LARS1: variants seen among roughly 807,000 people sequenced by gnomAD.
The protein encoded by LARS1 is leucyl-tRNA synthetase 1.
In LARS1, 100 loss-of-function variants were observed where a neutral mutation model predicts 162.8. That is an observed-to-expected ratio of 0.61 (90% confidence interval 0.52 to 0.73). The LOEUF (loss-of-function observed/expected upper bound fraction) is 0.73. Among genes scored for constraint, LARS1 ranks in the 30% least tolerant of loss-of-function variants. The probability of loss-of-function intolerance (pLI) is 0.00; values close to 1 mark genes in which losing one functional copy is unlikely to be tolerated. For synonymous variants in LARS1, 457 were observed against 462.8 expected (o/e 0.99, Z 0.16); for missense variants, 1,258 against 1,408.9 (o/e 0.89, Z 1.71).
chr5:146,173,539 C>CTT (rs542049744), intron 2 of LARS1, among the ~76,000 whole-genome samples: 6 of 135,218 alleles, frequency 4.4e-5, no homozygotes, highest in Admixed American at 7.5e-5. Flanking sequence ...TCCTTTAAAG[C>CTT]TTTTTTTTTT....
chr5:146,113,588 C>T lies in LARS1; in HGVS notation c.*518G>A, dbSNP rs1043504248. 5.6e-4 allele frequency: 85 copies of T among 152,434 alleles called. No individual in the cohort carries two copies. The highest frequency in any genetic ancestry group is 2.0e-3 in the African/African-American group (83 of 41,294). 9.4% of individuals were successfully genotyped at this position (152,434 alleles called of 1,614,324 possible). Reference sequence around the variant, plus strand: ...ATGCAGGACCTATTTGTTCTTTATACAAAATACTTAGTAATTGAAGTCAAG... The same window carrying T: ...ATGCAGGACCTATTTGTTCTTTATATAAAATACTTAGTAATTGAAGTCAAG... On this transcript the variant is annotated 3_prime_UTR_variant, in exon 32 of 32. Transcript: ENST00000394434.
intron 6 of LARS1, among the ~76,000 whole-genome samples, chr5:146,161,084 C>A (rs1753757491): frequency 6.6e-6 from 1 of 152,098 alleles, no homozygotes; most frequent in African/African-American, 2.4e-5. Flanking sequence ...TTTCCCAAGG[C>A]ATATATAAGT....
intron 28 of LARS1, 135 bp from the exon 29 acceptor site, chr5:146,124,221 C>G: frequency 1.7e-6 from 1 of 574,914 alleles, no homozygotes; most frequent in South Asian, 2.5e-5. Flanking sequence ...AGGCCTTGGA[C>G]TCATGATTTC....
chr5:146,165,836 A>G (rs1260207720), intron 5 of LARS1, among the ~76,000 whole-genome samples: 1 of 152,210 alleles, frequency 6.6e-6, no homozygotes, highest in Non-Finnish European at 1.5e-5. Context: ...CTAGGATGGA[A>G]CAAATAAAGA....
At chr5:146,159,238 C>G (rs1753667439) in intron 8 of LARS1, among the ~76,000 whole-genome samples, 169 bp downstream of exon 8, 1 of 152,186 alleles carries the variant, frequency 6.6e-6, no homozygotes. Context: ...AGGTACTACA[C>G]AAGATACAGG....
At chr5:146,115,063 A>C (rs1025198703) in intron 31 of LARS1, among the ~76,000 whole-genome samples, 2 of 150,716 alleles carry the variant, frequency 1.3e-5, no homozygotes, top group African/African-American at 2.5e-5. Flanking sequence ...AAAAAAAAAA[A>C]AAAACAATCC....
chr5:146,159,095 GAA>G (rs544238073), intron 8 of LARS1, among the ~76,000 whole-genome samples: 2 of 135,328 alleles, frequency 1.5e-5, no homozygotes, highest in Non-Finnish European at 1.6e-5. Flanking sequence ...GACTCCGTCT[GAA>G]AAAAAAAAAA....
In LARS1 at chr5:146,164,483, G is replaced by A. The variant is rs76839811; in HGVS notation, c.433-12C>T. The stretch of plus-strand genomic sequence containing the variant: ...GCAGCAGCTTTACTCTGAAAATAAT[G>A]GAGAAAAATAAACTCGATCAAAGAA... On this transcript the variant is annotated splice_polypyrimidine_tract_variant and intron_variant, in intron 5 of 31. Coordinates refer to ENST00000394434, the MANE Select transcript of LARS1 (RefSeq NM_020117.11). 1.8e-3 allele frequency: 2,848 copies of A among 1,611,318 alleles called. 6 individuals are homozygous for A. Among genetic ancestry groups the A allele is most frequent in the Admixed American group, 3.3e-3 (197 of 59,180 alleles).
At chr5:146,175,481 G>A (rs968558521) in intron 2 of LARS1, among the ~76,000 whole-genome samples, 4 of 148,674 alleles carry the variant, frequency 2.7e-5, no homozygotes, top group Admixed American at 6.9e-5. Context: ...GGCAGAGGTT[G>A]CAGTGAGCCG....
At chr5:146,139,599 G>A (rs1212341277) in intron 21 of LARS1, 1 of 152,132 alleles carries the variant, frequency 6.6e-6, no homozygotes, top group African/African-American at 2.4e-5. Context: ...TTATAGGCCA[G>A]GCGCGGTGGC....
At chr5:146,167,795 C>T (rs1252733542) in intron 5 of LARS1, among the ~76,000 whole-genome samples, 3 of 152,044 alleles carry the variant, frequency 2.0e-5, no homozygotes, top group Admixed American at 6.5e-5. Context: ...TCCCCAAGTG[C>T]TGGGATTACA....
chr5:146,165,125 G>A (rs1753944902), intron 5 of LARS1, among the ~76,000 whole-genome samples: 1 of 152,106 alleles, frequency 6.6e-6, no homozygotes, highest in South Asian at 2.1e-4. Flanking sequence ...CACGAGGTCA[G>A]GACTTCGAGA....
At chr5:146,134,150 T>C (rs1309883620) in intron 22 of LARS1, among the ~76,000 whole-genome samples, 1 of 152,166 alleles carries the variant, frequency 6.6e-6, no homozygotes, top group Non-Finnish European at 1.5e-5. Context: ...AGCTGTTTAG[T>C]TTTATATCTA....
At chr5:146,177,398 G>C in intron 2 of LARS1, 149 bp downstream of exon 2, 1 of 150,478 alleles carries the variant, frequency 6.6e-6, no homozygotes. Context: ...CCTGGGAGGC[G>C]GAGCTTGCAG....
At position 146,128,776 on chromosome 5, in the gene LARS1, C is replaced by T. The variant is rs746693564; in HGVS notation, c.2776G>A (p.Asp926Asn). The change falls in exon 27 of 32, where the codon GAC becomes AAC. Residue 926 changes from aspartate (D) to asparagine (N), a missense_variant. Coordinates refer to ENST00000394434, the MANE Select transcript of LARS1 (RefSeq NM_020117.11). The stretch of plus-strand genomic sequence containing the variant: ...GAGGGCTTCTGCAGGGGTTGTTTGT[C>T]AGTCTTCTAGACGGTAAAAGAAAGG... ...YMMPAKGKKT[D>N]KQPLQKPSHC... is the part of the protein sequence containing the mutation. 2.1e-5 allele frequency: 33 copies of T among 1,600,978 alleles called. No individual in the cohort carries two copies. The East Asian group carries it at 2.2e-4, about 11-fold the overall frequency.
chr5:146,122,093 C>CAGTTTA (rs1417716487), intron 30 of LARS1, among the ~76,000 whole-genome samples: 1 of 152,050 alleles, frequency 6.6e-6, no homozygotes, highest in African/African-American at 2.4e-5. Flanking sequence ...TGCATCAATC[C>CAGTTTA]AGTTTATACA....
chr5:146,128,061 T>C (rs1752115812), intron 27 of LARS1, among the ~76,000 whole-genome samples: 1 of 152,148 alleles, frequency 6.6e-6, no homozygotes, highest in Admixed American at 6.6e-5. Context: ...ACATACTTTG[T>C]TTCTACATTT....
chr5:146,130,714 TG>T, intron 24 of LARS1: 1 of 233,602 alleles, frequency 4.3e-6, no homozygotes, highest in Non-Finnish European at 8.1e-6. Flanking sequence ...ATTTTGCCTT[TG>T]TTTTTATCAA....
intron 1 of LARS1, among the ~76,000 whole-genome samples, chr5:146,181,489 C>T (rs1754838385): frequency 6.6e-6 from 1 of 151,972 alleles, no homozygotes; most frequent in Non-Finnish European, 1.5e-5. Flanking sequence ...CCTGTCTCTA[C>T]TAAAAATACA....
Sources: gnomAD v4.1 joint callset for allele counts (sites outside exome capture counted in the v4.1 genomes callset) on GRCh38, gnomAD v4.1.1 for gene constraint, MANE v1.5 for transcripts, NCBI Gene and HGNC (gene_info 2026-07-23, HGNC 2026-07-21) for gene names.